The following PLCL2 variants were observed in gnomAD, a reference collection of about 807,000 sequenced individuals.
PLCL2 encodes the protein phospholipase C like 2, also known as inactive phospholipase C-like protein 2.
Under a neutral mutation model 79.6 loss-of-function variants are expected in PLCL2, and 4 were observed. The ratio of observed to expected loss-of-function variants is 0.05; its 90% CI spans 0.02 to 0.11. The LOEUF is 0.11. Ranked by LOEUF, PLCL2 falls within the 10% of genes least tolerant of loss-of-function variation. PLCL2 has a pLI of 1.00. For missense variants in PLCL2, 895 were observed against 1,291.0 expected (o/e 0.69, Z 4.70); for synonymous variants, 484 against 457.7 (o/e 1.06, Z -0.73).
chr3:16,962,971 C>T (rs933857956), intron 1 of PLCL2, among the ~76,000 whole-genome samples: 1 of 151,940 alleles, frequency 6.6e-6, no homozygotes, highest in Non-Finnish European at 1.5e-5. Context: ...TGGGAAATTA[C>T]AATCAAGATT....
intron 5 of PLCL2, chr3:17,081,201 G>A (rs1435297374): frequency 6.6e-6 from 3 of 456,742 alleles, no homozygotes; most frequent in Non-Finnish European, 1.3e-5. Context: ...AGAAAGACAG[G>A]AAGGAGGAGT....
intron 3 of PLCL2, among the ~76,000 whole-genome samples, chr3:17,032,892 C>T (rs535550922): frequency 6.6e-6 from 1 of 152,166 alleles, no homozygotes; most frequent in South Asian, 2.1e-4. Context: ...TAAAGTTTAA[C>T]CTGTGAAATA....
At chr3:16,979,799 C>G (rs2063963308) in intron 1 of PLCL2, among the ~76,000 whole-genome samples, 1 of 149,562 alleles carries the variant, frequency 6.7e-6, no homozygotes, top group Admixed American at 6.6e-5. Flanking sequence ...TCCCCCCTTT[C>G]TATTCCACAA....
rs2063649340 is a variant in PLCL2, at chr3:16,951,314, G to T, written c.328-58360G>T. Among the ~76,000 whole-genome samples, 8 of 151,806 alleles carry T rather than the reference G, an allele frequency of 5.3e-5. No individual in the cohort carries two copies. The South Asian group carries it at 1.7e-3, about 32-fold the overall frequency. ...TAATTTTGGTAATTATATCTTCCTG[G>T]AAAATTGGTCATCTGTTTTATTTTT... On this transcript the variant is annotated intron_variant, in intron 1 of 5. Coordinates refer to ENST00000615277, the MANE Select transcript of PLCL2 (RefSeq NM_001144382.2).
At chr3:16,968,139 A>G (rs927604218) in intron 1 of PLCL2, among the ~76,000 whole-genome samples, 1 of 152,058 alleles carries the variant, frequency 6.6e-6, no homozygotes, top group Non-Finnish European at 1.5e-5. Context: ...GACAGCCAGT[A>G]CCATGCTGTT....
intron 1 of PLCL2, among the ~76,000 whole-genome samples, chr3:16,923,100 A>C (rs1026034866): frequency 6.6e-6 from 1 of 152,204 alleles, no homozygotes; most frequent in Non-Finnish European, 1.5e-5. Context: ...CACAACCACC[A>C]ACCAGCCATT....
At chr3:16,899,670 C>T (rs997322549) in intron 1 of PLCL2, among the ~76,000 whole-genome samples, 2 of 152,106 alleles carry the variant, frequency 1.3e-5, no homozygotes, top group Non-Finnish European at 2.9e-5. Flanking sequence ...AAGTACTTTT[C>T]GCATGACTGA....
intron 4 of PLCL2, among the ~76,000 whole-genome samples, chr3:17,054,141 A>G (rs1421531157): frequency 1.3e-5 from 2 of 152,184 alleles, no homozygotes; most frequent in South Asian, 4.2e-4. Flanking sequence ...GCTGCTTAGG[A>G]ATTTCTTCTG....
intron 4 of PLCL2, among the ~76,000 whole-genome samples, chr3:17,049,187 T>TA (rs943268366): frequency 7.2e-4 from 110 of 151,750 alleles, no homozygotes; most frequent in African/African-American, 2.6e-3. Flanking sequence ...TAATATGATT[T>TA]AAAAAAAAGT....
intron 1 of PLCL2, among the ~76,000 whole-genome samples, chr3:16,942,471 G>A (rs1338559814): frequency 6.6e-6 from 1 of 152,114 alleles, no homozygotes; most frequent in African/African-American, 2.4e-5. Flanking sequence ...GAGAAGGAGT[G>A]CGTCCTTCCC....
chr3:17,046,307 T>C (rs1455907166), intron 4 of PLCL2, among the ~76,000 whole-genome samples: 2 of 152,188 alleles, frequency 1.3e-5, no homozygotes, highest in African/African-American at 4.8e-5. Context: ...GCCAAAGTCT[T>C]TTCCACTTTC....
chr3:17,055,003 GAACT>G (rs1376292766), intron 4 of PLCL2, among the ~76,000 whole-genome samples: 1 of 152,114 alleles, frequency 6.6e-6, no homozygotes, highest in African/African-American at 2.4e-5. Flanking sequence ...AAATTACAGT[GAACT>G]AAGATCAGTT....
intron 1 of PLCL2, among the ~76,000 whole-genome samples, chr3:16,925,768 C>T (rs1697231817): frequency 6.6e-6 from 1 of 152,200 alleles, no homozygotes; most frequent in Non-Finnish European, 1.5e-5. Flanking sequence ...TTTATCCATT[C>T]ATCAGTTAAA....
intron 1 of PLCL2, among the ~76,000 whole-genome samples, chr3:16,975,548 G>T (rs2063916691): frequency 6.6e-6 from 1 of 152,220 alleles, no homozygotes; most frequent in East Asian, 1.9e-4. Flanking sequence ...AAGGGTCTGA[G>T]AGGCCCAGAT....
chr3:17,041,326 G>T (rs2064718952), intron 3 of PLCL2, among the ~76,000 whole-genome samples: 1 of 152,144 alleles, frequency 6.6e-6, no homozygotes, highest in African/African-American at 2.4e-5. Flanking sequence ...CTGTAGGTCA[G>T]GTATCCCTGG....
intron 1 of PLCL2, among the ~76,000 whole-genome samples, chr3:16,899,827 C>A (rs1355657696): frequency 6.7e-6 from 1 of 148,264 alleles, no homozygotes; most frequent in African/African-American, 2.5e-5. Context: ...TTAAAATATC[C>A]CCCCCGCCGC....
At chr3:16,939,893 G>A (rs73037014) in intron 1 of PLCL2, among the ~76,000 whole-genome samples, 2,271 of 152,244 alleles carry the variant, frequency 0.015, 38 homozygotes, top group Non-Finnish European at 0.023. Context: ...TTTCCTTCCG[G>A]GCATTGGGGG....
chr3:16,898,616 G>A lies in PLCL2; in HGVS notation c.327+13250G>A, dbSNP rs547085668. Among the ~76,000 whole-genome samples the A allele has an allele frequency of 5.3e-5, 8 of 152,270 alleles. No individual in the cohort carries two copies. In the South Asian group the frequency reaches 1.7e-3, roughly 32 times the overall value. On this transcript the variant is annotated intron_variant, in intron 1 of 5. Coordinates refer to ENST00000615277, the MANE Select transcript of PLCL2 (RefSeq NM_001144382.2). Reference sequence around the variant, plus strand: ...GTTGGTGAGATGTGTGGCCTCTGTGGCAGTGGCCCTGACCTGTCCTCATCA... The same window carrying A: ...GTTGGTGAGATGTGTGGCCTCTGTGACAGTGGCCCTGACCTGTCCTCATCA...
intron 3 of PLCL2, among the ~76,000 whole-genome samples, chr3:17,032,042 G>A (rs1448096806): frequency 2.7e-5 from 4 of 147,100 alleles, no homozygotes; most frequent in African/African-American, 1.0e-4. Flanking sequence ...TTTATTTCGT[G>A]AAATAAGATT....
Sources: gnomAD v4.1 joint callset for allele counts (sites outside exome capture counted in the v4.1 genomes callset) on GRCh38, gnomAD v4.1.1 for gene constraint, MANE v1.5 for transcripts, NCBI Gene and HGNC (gene_info 2026-07-23, HGNC 2026-07-21) for gene names.